PCDHGA5: variants seen among roughly 807,000 people sequenced by gnomAD.
PCDHGA5 encodes the protein protocadherin gamma-A5.
A neutral mutation model predicts 56.7 loss-of-function variants in PCDHGA5; 36 were observed. The ratio of observed to expected loss-of-function variants is 0.64; its 90% CI spans 0.49 to 0.84. PCDHGA5 has a LOEUF of 0.84. PCDHGA5 is among the 40% of genes least tolerant of loss of function. PCDHGA5 has a pLI of 0.00. For missense variants in PCDHGA5, 1,305 were observed against 1,201.5 expected, an observed-to-expected ratio of 1.09 and a Z score of -1.27; for synonymous variants, 563 against 520.2, an observed-to-expected ratio of 1.08 and a Z score of -1.12.
At chr5:141,388,270 A>G (rs1387371856) in intron 1 of PCDHGA5, 1 of 1,596,568 alleles carries the variant, frequency 6.3e-7, no homozygotes, top group Non-Finnish European at 8.5e-7. Flanking sequence ...ATTAATGACC[A>G]CACGCCAAAA....
chr5:141,374,568 T>C (rs778991888), intron 1 of PCDHGA5: 1 of 1,613,706 alleles, frequency 6.2e-7, no homozygotes, highest in South Asian at 1.1e-5. Flanking sequence ...GACCCTGATG[T>C]GGGAATGAAC....
intron 1 of PCDHGA5, chr5:141,408,700 A>G (rs748315700): frequency 3.1e-6 from 5 of 1,613,470 alleles, no homozygotes; most frequent in Admixed American, 3.3e-5. Flanking sequence ...ACATAAACTC[A>G]ATTAAAGATT....
In PCDHGA5 at chr5:141,489,493, G is replaced by C. The variant is rs1485293604; in HGVS notation, c.2422-5314G>C. 3 of 1,614,078 alleles carry C rather than the reference G, an allele frequency of 1.9e-6. No homozygotes were observed. The South Asian group carries it at 3.3e-5, about 18-fold the overall frequency. On this transcript the variant is annotated intron_variant, in intron 1 of 3. Coordinates refer to ENST00000518069, the MANE Select transcript of PCDHGA5 (RefSeq NM_018918.3). This position sits in a 1 kb window ranked among gnomAD's most constrained non-coding sequence, Gnocchi z 4.5. Reference sequence around the variant, plus strand: ...CCTGAGCTTGATGAGTGGTGCCCTGGCAGTGAATCAAAAGATTGACCGAGA... The same window carrying C: ...CCTGAGCTTGATGAGTGGTGCCCTGCCAGTGAATCAAAAGATTGACCGAGA...
chr5:141,421,102 T>G, intron 1 of PCDHGA5: 1 of 691,404 alleles, frequency 1.4e-6, no homozygotes, highest in Non-Finnish European at 2.4e-6. Flanking sequence ...CACTGGAGAC[T>G]TAGAAGTATT....
chr5:141,507,263 T>C (rs755395344), intron 3 of PCDHGA5: 1 of 152,038 alleles, frequency 6.6e-6, no homozygotes, highest in Non-Finnish European at 1.5e-5. Flanking sequence ...AAACAGCAAG[T>C]ACTATTTCAG....
At chr5:141,368,561 T>G (rs1765726428) in intron 1 of PCDHGA5, among the ~76,000 whole-genome samples, 2 of 152,184 alleles carry the variant, frequency 1.3e-5, no homozygotes, top group Non-Finnish European at 2.9e-5. Context: ...AAGAAAATGT[T>G]ATATGCTTCT....
Position 141,419,433 on chromosome 5 carries a change from T to C in PCDHGA5, c.2421+52682T>C, listed in dbSNP as rs1333004780. 11 of 1,613,246 alleles carry C rather than the reference T, an allele frequency of 6.8e-6. No individual in the cohort carries two copies. The highest frequency in any genetic ancestry group is 9.3e-6 in the Non-Finnish European group (11 of 1,179,828). On this transcript the variant is annotated intron_variant, in intron 1 of 3. Coordinates refer to ENST00000518069, the MANE Select transcript of PCDHGA5 (RefSeq NM_018918.3). ...CAGCGCGCCTTCGACCACGAGCAGC[T>C]GCGCACCTTCGAGCTCACGCTGCAG... is the stretch of plus-strand genomic sequence containing the variant.
chr5:141,376,190 G>A (rs759357506), intron 1 of PCDHGA5: 9 of 1,614,116 alleles, frequency 5.6e-6, no homozygotes, highest in Admixed American at 1.7e-5. Flanking sequence ...GGTCTCCTGC[G>A]TCTTCCTGGC....
intron 1 of PCDHGA5, chr5:141,397,962 A>G (rs968992832): frequency 2.0e-5 from 21 of 1,036,912 alleles, no homozygotes; most frequent in Non-Finnish European, 2.8e-5. Flanking sequence ...CCCAGCTCAG[A>G]CTCCCCAGCG....
chr5:141,427,199 A>G (rs900332017), intron 1 of PCDHGA5: 5 of 456,766 alleles, frequency 1.1e-5, no homozygotes, highest in Non-Finnish European at 2.2e-5. Context: ...AAGACTTAAT[A>G]GACTTCGAAT....
At chr5:141,423,257 G>A in intron 1 of PCDHGA5, 2 of 1,613,946 alleles carry the variant, frequency 1.2e-6, no homozygotes, top group Non-Finnish European at 1.7e-6. Context: ...GCGGACCTCG[G>A]CAGCCTCGAG....
chr5:141,384,973 T>C, intron 1 of PCDHGA5: 1 of 1,613,956 alleles, frequency 6.2e-7, no homozygotes, highest in Non-Finnish European at 8.5e-7. Flanking sequence ...CCTCACGTTG[T>C]ACCTGGTGGT....
At chr5:141,501,329 ACACAC>A (rs1562200854) in intron 2 of PCDHGA5, among the ~76,000 whole-genome samples, 2 of 148,226 alleles carry the variant, frequency 1.3e-5, no homozygotes, top group Non-Finnish European at 3.0e-5. Flanking sequence ...ACACACACAC[ACACAC>A]CCCAAACTCA....
chr5:141,430,033 C>T (rs556099456), intron 1 of PCDHGA5, among the ~76,000 whole-genome samples: 1 of 152,066 alleles, frequency 6.6e-6, no homozygotes, highest in Non-Finnish European at 1.5e-5. Context: ...AAGTGTGATT[C>T]TGATAATGTA....
At chr5:141,425,521 C>A (rs2096880944) in intron 1 of PCDHGA5, among the ~76,000 whole-genome samples, 1 of 152,210 alleles carries the variant, frequency 6.6e-6, no homozygotes, top group Non-Finnish European at 1.5e-5. Flanking sequence ...TATGATGAAA[C>A]ATGAAACAAT....
At chr5:141,381,866 G>A (rs1166624603) in intron 1 of PCDHGA5, among the ~76,000 whole-genome samples, 3 of 53,342 alleles carry the variant, frequency 5.6e-5, no homozygotes, top group Non-Finnish European at 6.8e-5. Flanking sequence ...TTTTGCTCTT[G>A]TTGTCCAGGC....
intron 1 of PCDHGA5, among the ~76,000 whole-genome samples, chr5:141,449,131 G>A (rs530494400): frequency 7.9e-5 from 12 of 152,220 alleles, no homozygotes; most frequent in Non-Finnish European, 1.3e-4. Flanking sequence ...CCCAGAAATG[G>A]AATTGAAATT....
chr5:141,499,029 A>AAGGAAGGAAGGAAGGAAGG (rs1562187768), intron 2 of PCDHGA5, among the ~76,000 whole-genome samples: 3 of 140,076 alleles, frequency 2.1e-5, no homozygotes, highest in African/African-American at 8.3e-5. Flanking sequence ...AGGAAGGAAG[A>AAGGAAGGAAGGAAGGAAGG]AAAGAAAGAA....
chr5:141,389,083 A>T, intron 1 of PCDHGA5: 3 of 1,614,058 alleles, frequency 1.9e-6, no homozygotes, highest in Non-Finnish European at 2.5e-6. Context: ...AGAAACACGT[A>T]TAAATTAGTG....
Sources: allele counts gnomAD v4.1 joint callset (sites outside exome capture counted in the v4.1 genomes callset), GRCh38; gene constraint gnomAD v4.1.1; non-coding constraint Gnocchi (gnomAD v3.1); transcripts MANE v1.5; gene names NCBI Gene and HGNC (gene_info 2026-07-23, HGNC 2026-07-21).